MCM5: variants seen among roughly 807,000 people sequenced by gnomAD.
MCM5 encodes DNA replication licensing factor MCM5.
A neutral mutation model predicts 79.9 loss-of-function variants in MCM5; 46 were observed. The observed-to-expected ratio is 0.58, with a 90% CI of 0.45 to 0.74. The LOEUF (loss-of-function observed/expected upper bound fraction) is 0.74. Among genes scored for constraint, MCM5 ranks in the 30% least tolerant of loss-of-function variants. The pLI, the probability that MCM5 is intolerant of heterozygous loss-of-function variation, is 0.00. For missense variants in MCM5, 883 were observed against 1,017.0 expected, an observed-to-expected ratio of 0.87 and a Z score of 1.79; for synonymous variants, 404 against 390.5, an observed-to-expected ratio of 1.03 and a Z score of -0.41.
the MCM5 span, among the ~76,000 whole-genome samples, chr22:35,447,204 G>A: frequency 6.6e-6 from 1 of 152,146 alleles, no homozygotes; most frequent in Non-Finnish European, 1.5e-5. Flanking sequence ...ATGAAGCTGT[G>A]TGGGAAAGTG....
chr22:35,416,332 C>T lies in MCM5; in HGVS notation c.1348-7C>T, dbSNP rs777586520. 14 of 1,613,196 alleles carry T rather than the reference C, an allele frequency of 8.7e-6. No homozygotes were observed. The highest frequency in any genetic ancestry group is 8.3e-5 in the Admixed American group (5 of 59,994). ...GGTCTGATGATATTTCTCTCTTCCC[C>T]ACTTAGATGCGAGAAGATGACCGTG... is the stretch of plus-strand genomic sequence containing the variant. On this transcript the variant is annotated splice_region_variant and splice_polypyrimidine_tract_variant and intron_variant, in intron 10 of 16. Coordinates refer to ENST00000216122, the MANE Select transcript of MCM5 (RefSeq NM_006739.4).
the MCM5 span, among the ~76,000 whole-genome samples, chr22:35,439,364 C>T: frequency 6.6e-6 from 1 of 151,612 alleles, no homozygotes; most frequent in African/African-American, 2.4e-5. Flanking sequence ...TCCATTCACC[C>T]ACATATTCAT....
At chr22:35,408,634 T>G (rs552196838) in intron 6 of MCM5, 71 bp downstream of exon 6, 1 of 1,530,484 alleles carries the variant, frequency 6.5e-7, no homozygotes, top group South Asian at 1.2e-5. Flanking sequence ...AACCCGAGTG[T>G]TGGGAGTGGG....
At chr22:35,433,181 C>A in the MCM5 span, among the ~76,000 whole-genome samples, 3 of 152,160 alleles carry the variant, frequency 2.0e-5, no homozygotes. Flanking sequence ...AAGTGATCTT[C>A]CTGCCTCCAC....
the MCM5 span, among the ~76,000 whole-genome samples, chr22:35,435,837 G>A: frequency 2.7e-4 from 41 of 152,148 alleles, no homozygotes; most frequent in African/African-American, 9.9e-4. Flanking sequence ...AAAAGGAGAG[G>A]GTATTTTTTG....
chr22:35,447,397 C>G, the MCM5 span, among the ~76,000 whole-genome samples: 1 of 152,122 alleles, frequency 6.6e-6, no homozygotes, highest in African/African-American at 2.4e-5. Context: ...AAGGAGTCCT[C>G]TCTCATTCCT....
intron 9 of MCM5, 108 bp from the exon 10 acceptor site, chr22:35,415,721 C>A (rs1423873930): frequency 7.1e-6 from 9 of 1,273,390 alleles, no homozygotes; most frequent in Non-Finnish European, 9.9e-6. Context: ...CTGCAGCCAG[C>A]TTTGATGTGT....
chr22:35,444,202 G>C, the MCM5 span, among the ~76,000 whole-genome samples: 14 of 150,270 alleles, frequency 9.3e-5, no homozygotes, highest in East Asian at 1.6e-3. Flanking sequence ...AGAGAAAAGA[G>C]AGAGGAAAGG....
the MCM5 span, among the ~76,000 whole-genome samples, chr22:35,433,370 G>A: frequency 5.3e-5 from 8 of 152,300 alleles, no homozygotes; most frequent in Non-Finnish European, 1.2e-4. Flanking sequence ...CCAGCCTTCA[G>A]ATGAGATCAC....
chr22:35,427,022 C>T (rs554453960), downstream of MCM5, among the ~76,000 whole-genome samples: 1 of 152,354 alleles, frequency 6.6e-6, no homozygotes, highest in African/African-American at 2.4e-5. Context: ...GGAACTAAGA[C>T]CATGTTGCTT....
rs1168377973 is a variant in MCM5, at chr22:35,424,219, T to C, written c.2169T>C (p.His723=). The C allele has an allele frequency of 1.3e-6, 2 of 1,553,004 alleles. No individual in the cohort carries two copies. Among genetic ancestry groups the C allele is most frequent in the East Asian group, 2.4e-5 (1 of 41,188 alleles). ...QLMLRRGEIQ[H]RMQRKVLYRL... is the part of the protein sequence containing the mutation. ...TGCTGCGGCGCGGCGAGATCCAGCA[T>C]CGCATGCAGCGCAAGGTTCTCTACC... The change falls in exon 17 of 17, where the codon CAT becomes CAC. Residue 723 remains histidine (H), a synonymous_variant. Transcript: ENST00000216122.
downstream of MCM5, among the ~76,000 whole-genome samples, chr22:35,428,969 CCTTT>C (rs1397757501): frequency 9.0e-6 from 1 of 110,592 alleles, no homozygotes; most frequent in Non-Finnish European, 1.8e-5. Context: ...TTTTCTTTGA[CCTTT>C]TTTTTTTTTT....
chr22:35,418,397 A>C (rs761472484), intron 13 of MCM5, among the ~76,000 whole-genome samples: 5 of 152,152 alleles, frequency 3.3e-5, no homozygotes, highest in Non-Finnish European at 7.4e-5. Context: ...GCAGTGGCTC[A>C]CGCTGTAATC....
Position 35,423,352 on chromosome 22 carries a change from C to A in MCM5, c.2103+11C>A. The stretch of plus-strand genomic sequence containing the variant: ...GACTTCACCAAGCAGGTGAGCCTGC[C>A]TTGGAGTGGGGGTGTGAGCCGGCAC... On this transcript the variant is annotated intron_variant, in intron 16 of 16. Transcript: ENST00000216122. The A allele has an allele frequency of 6.3e-7, 1 of 1,588,918 alleles. No individual in the cohort carries two copies.
the MCM5 span, among the ~76,000 whole-genome samples, chr22:35,433,694 A>G: frequency 2.0e-5 from 3 of 152,212 alleles, no homozygotes; most frequent in Non-Finnish European, 4.4e-5. Flanking sequence ...GCAGCCAAGC[A>G]AGGCTTCATT....
At chr22:35,417,645 C>T (rs1296517141) in intron 12 of MCM5, 99 bp from the exon 13 acceptor site, 5 of 825,440 alleles carry the variant, frequency 6.1e-6, no homozygotes, top group Middle Eastern at 4.5e-4. Flanking sequence ...CTCCTTGATG[C>T]CAGGGCCCCA....
intron 14 of MCM5, 69 bp downstream of exon 14, chr22:35,420,081 A>G: frequency 6.6e-7 from 1 of 1,520,282 alleles, no homozygotes; most frequent in Non-Finnish European, 8.9e-7. Flanking sequence ...GTGCTTGGCA[A>G]CCAGGGGCAG....
At chr22:35,446,286 A>G in the MCM5 span, among the ~76,000 whole-genome samples, 1 of 152,158 alleles carries the variant, frequency 6.6e-6, no homozygotes, top group South Asian at 2.1e-4. Flanking sequence ...TGTCCCTGCC[A>G]TGATCCTATG....
In MCM5 at chr22:35,400,454, G is replaced by C. The variant is rs762908562; in HGVS notation, c.16G>C (p.Asp6His). MSGFD[D>H]PGIFYSDSFG... ...AGGCGCAGTCATGTCGGGATTCGAC[G>C]ATCCTGGCATTTTCTACAGCGACAG... Residue 6 changes from aspartate (D) to histidine (H), a missense_variant, in exon 2 of 17, where the codon GAT becomes CAT. Asp to His is a moderately conservative substitution (Grantham distance 81). This residue lies in a region of MCM5 where 455 missense variants were observed against 517.5 expected (regional missense o/e 0.88). Coordinates refer to ENST00000216122, the MANE Select transcript of MCM5 (RefSeq NM_006739.4). The C allele has an allele frequency of 6.2e-7, 1 of 1,614,092 alleles. No homozygotes were observed. The highest frequency in any genetic ancestry group is 8.5e-7 in the Non-Finnish European group (1 of 1,179,956).
Sources: allele counts gnomAD v4.1 joint callset (sites outside exome capture counted in the v4.1 genomes callset), GRCh38; gene constraint gnomAD v4.1.1; regional missense constraint gnomAD v4.1.1; transcripts MANE v1.5; gene names NCBI Gene and HGNC (gene_info 2026-07-23, HGNC 2026-07-21).